Variants in UNC13C observed in about 807,000 individuals in gnomAD.
The protein encoded by UNC13C is unc-13 homolog C.
A neutral mutation model predicts 245.4 loss-of-function variants in UNC13C; 174 were observed. The ratio of observed to expected loss-of-function variants is 0.71; its 90% CI spans 0.63 to 0.80. The LOEUF (loss-of-function observed/expected upper bound fraction) is 0.80, where lower values mean the gene tolerates loss of function less well. Among genes scored for constraint, UNC13C ranks in the 30% least tolerant of loss-of-function variants. UNC13C has a pLI of 0.00. For missense variants in UNC13C, 2,829 were observed against 2,602.9 expected, an observed-to-expected ratio of 1.09 and a Z score of -1.89; for synonymous variants, 992 against 895.1, an observed-to-expected ratio of 1.11 and a Z score of -1.93.
the UNC13C span, among the ~76,000 whole-genome samples, chr15:53,905,872 A>C: frequency 6.6e-6 from 1 of 152,156 alleles, no homozygotes; most frequent in Non-Finnish European, 1.5e-5. Context: ...ACATCACTTC[A>C]TATATCTTAA....
Position 54,548,208 on chromosome 15 carries a change from CTTTTTTTTTTTTTTTTTT to C in UNC13C, c.5820+1376_5820+1393del, listed in dbSNP as rs60975842. On this transcript the variant is annotated intron_variant, in intron 27 of 32. Coordinates refer to ENST00000260323, the MANE Select transcript of UNC13C (RefSeq NM_001080534.3). ...TGTTGTTGTTGTTTTGTTTCTTTTGCTTTTTTTTTTTTTTTTTTTTTTTTTTTTTTGGAGACAGAATCT... is the reference window on the plus strand; with the variant it reads ...TGTTGTTGTTGTTTTGTTTCTTTTGCTTTTTTTTTTTTGGAGACAGAATCT... 7.7e-4 allele frequency among the ~76,000 whole-genome samples: 48 copies of C among 61,938 alleles called. 2 individuals carry two copies. The highest frequency in any genetic ancestry group is 9.4e-4 in the Non-Finnish European group (24 of 25,532). The allele number at this position is 61,938 out of a possible 152,430, so 40.6% of individuals were successfully genotyped here.
chr15:53,914,269 T>G, the UNC13C span: 4 of 152,190 alleles, frequency 2.6e-5, no homozygotes, highest in Non-Finnish European at 5.9e-5. Context: ...CCAAGCGAGT[T>G]TGGTGCGTGA....
intron 4 of UNC13C, among the ~76,000 whole-genome samples, chr15:54,147,196 C>T (rs765240115): frequency 6.7e-6 from 1 of 149,928 alleles, no homozygotes; most frequent in Non-Finnish European, 1.5e-5. Flanking sequence ...TGGCAGCTAC[C>T]GAGCATCAAT....
At chr15:54,534,638 A>G (rs1259095247) in intron 26 of UNC13C, among the ~76,000 whole-genome samples, 1 of 152,188 alleles carries the variant, frequency 6.6e-6, no homozygotes, top group Admixed American at 6.5e-5. Flanking sequence ...AGGAAAAAAG[A>G]TGAAAATTCA....
intron 2 of UNC13C, among the ~76,000 whole-genome samples, chr15:54,135,911 T>C (rs143616302): frequency 3.3e-5 from 5 of 152,262 alleles, no homozygotes; most frequent in African/African-American, 9.6e-5. Flanking sequence ...TTGGTAGAGA[T>C]TCCTTTGAAT....
At chr15:54,312,369 T>G (rs1392051437) in intron 13 of UNC13C, among the ~76,000 whole-genome samples, 2 of 151,778 alleles carry the variant, frequency 1.3e-5, no homozygotes, top group African/African-American at 4.8e-5. Flanking sequence ...CCCTAAAAAT[T>G]TTCCACTTTC....
chr15:53,953,410 G>A, the UNC13C span, among the ~76,000 whole-genome samples: 1 of 152,198 alleles, frequency 6.6e-6, no homozygotes, highest in East Asian at 1.9e-4. Context: ...CATTAGCAAT[G>A]AGTCTCCAAC....
chr15:54,605,483 G>T (rs1899720087), intron 30 of UNC13C, among the ~76,000 whole-genome samples: 1 of 152,042 alleles, frequency 6.6e-6, no homozygotes, highest in South Asian at 2.1e-4. Context: ...ATACTTGTAG[G>T]TCTTAACCTT....
chr15:54,126,941 A>C (rs2031085345), intron 2 of UNC13C, among the ~76,000 whole-genome samples: 1 of 152,254 alleles, frequency 6.6e-6, no homozygotes, highest in South Asian at 2.1e-4. Flanking sequence ...TGCGGCCAAT[A>C]GTTATATGAA....
intron 2 of UNC13C, among the ~76,000 whole-genome samples, chr15:54,108,167 A>G (rs1008151659): frequency 3.4e-5 from 5 of 148,738 alleles, no homozygotes; most frequent in South Asian, 2.2e-4. Context: ...TATTATTTCA[A>G]TGGAAATGTA....
At chr15:54,483,772 C>T (rs1893256952) in intron 19 of UNC13C, among the ~76,000 whole-genome samples, 1 of 152,192 alleles carries the variant, frequency 6.6e-6, no homozygotes, top group South Asian at 2.1e-4. Context: ...CTTCACATTA[C>T]TTATTTTCTG....
intron 7 of UNC13C, among the ~76,000 whole-genome samples, chr15:54,243,096 C>T (rs1477195367): frequency 1.3e-5 from 2 of 152,044 alleles, no homozygotes; most frequent in African/African-American, 4.8e-5. Context: ...GTATTAAGCC[C>T]AGCATCTATT....
chr15:54,295,973 A>G (rs771229942), intron 11 of UNC13C, among the ~76,000 whole-genome samples: 2 of 152,140 alleles, frequency 1.3e-5, no homozygotes, highest in Non-Finnish European at 2.9e-5. Context: ...TCTATTCTTG[A>G]TACAACCCTC....
At chr15:53,973,305 A>C (rs76232315), upstream of UNC13C, among the ~76,000 whole-genome samples, 1 of 152,168 alleles carries the variant, frequency 6.6e-6, no homozygotes, top group Non-Finnish European at 1.5e-5. Context: ...GATTATTGCT[A>C]GCTAATATTT....
At chr15:54,308,129 A>G (rs935334608) in intron 13 of UNC13C, among the ~76,000 whole-genome samples, 5 of 151,878 alleles carry the variant, frequency 3.3e-5, no homozygotes, top group African/African-American at 1.2e-4. Context: ...GATGAAAGTC[A>G]TTTCTAGTCT....
At chr15:54,295,742 T>C (rs1033651708) in intron 11 of UNC13C, among the ~76,000 whole-genome samples, 4 of 152,032 alleles carry the variant, frequency 2.6e-5, no homozygotes, top group African/African-American at 9.7e-5. Context: ...AATATGCTGC[T>C]ATTAGTAAAA....
At chr15:54,532,089 G>T (rs1485591761) in intron 25 of UNC13C, among the ~76,000 whole-genome samples, 1 of 152,132 alleles carries the variant, frequency 6.6e-6, no homozygotes, top group East Asian at 1.9e-4. Flanking sequence ...TTGTGTCACA[G>T]GGGTTTGTTA....
chr15:54,303,582 T>C (rs1190513052), intron 13 of UNC13C, among the ~76,000 whole-genome samples: 1 of 151,576 alleles, frequency 6.6e-6, no homozygotes. Context: ...CATTGTATAA[T>C]GTAACTCTTG....
intron 4 of UNC13C, among the ~76,000 whole-genome samples, chr15:54,215,114 G>C (rs1029188005): frequency 6.6e-6 from 1 of 151,816 alleles, no homozygotes; most frequent in African/African-American, 2.4e-5. Flanking sequence ...AGAAAAGTCT[G>C]TATTTTCTAT....
Sources: allele counts gnomAD v4.1 joint callset (sites outside exome capture counted in the v4.1 genomes callset), GRCh38; gene constraint gnomAD v4.1.1; transcripts MANE v1.5; gene names NCBI Gene and HGNC (gene_info 2026-07-23, HGNC 2026-07-21).